Variants in ZMYND8 observed in about 807,000 individuals in gnomAD.
The protein encoded by ZMYND8 is MYND-type zinc finger-containing chromatin reader ZMYND8.
Under a neutral mutation model 140.8 loss-of-function variants are expected in ZMYND8, and 37 were observed. That is an observed-to-expected ratio of 0.26 (90% CI 0.20 to 0.35). ZMYND8 has a LOEUF of 0.35. Among genes scored for constraint, ZMYND8 ranks in the 10% least tolerant of loss-of-function variants. ZMYND8 has a pLI of 1.00. For synonymous variants in ZMYND8, 592 were observed against 597.1 expected (o/e 0.99, Z 0.12); for missense variants, 1,068 against 1,570.0 (o/e 0.68, Z 5.40).
intron 9 of ZMYND8, among the ~76,000 whole-genome samples, chr20:47,283,054 C>A (rs1223370852): frequency 6.6e-6 from 1 of 152,140 alleles, no homozygotes; most frequent in Non-Finnish European, 1.5e-5. Context: ...AACCCCACCC[C>A]CAACACACAC....
intron 11 of ZMYND8, among the ~76,000 whole-genome samples, chr20:47,267,636 G>A (rs1292732619): frequency 1.3e-5 from 2 of 152,120 alleles, no homozygotes; most frequent in African/African-American, 4.8e-5. Context: ...AGCAGCCAGG[G>A]CAGAACCCCT....
Position 47,220,248 on chromosome 20 carries a change from G to T in ZMYND8, c.3484+10C>A. ...TGAAAGCACCGTTCGCCCACCAGGG[G>T]GCAACATACCAGAGCCTTGGTTGGA... On this transcript the variant is annotated intron_variant, in intron 21 of 22. Coordinates refer to ENST00000471951, the MANE Select transcript of ZMYND8 (RefSeq NM_001281775.3). The T allele has an allele frequency of 6.4e-7, 1 of 1,557,854 alleles. No homozygotes were observed. The highest frequency in any genetic ancestry group is 1.4e-5 in the African/African-American group (1 of 73,462).
At chr20:47,280,846 C>A (rs183098603) in intron 10 of ZMYND8, among the ~76,000 whole-genome samples, 3 of 152,202 alleles carry the variant, frequency 2.0e-5, no homozygotes, top group Non-Finnish European at 4.4e-5. Context: ...CTGTTTAAAC[C>A]CCACTATTCT....
chr20:47,266,634 G>A (rs2075547888), intron 11 of ZMYND8, among the ~76,000 whole-genome samples: 1 of 152,002 alleles, frequency 6.6e-6, no homozygotes, highest in Non-Finnish European at 1.5e-5. Flanking sequence ...CAAATCTTCA[G>A]GAAGAACTCT....
chr20:47,319,497 T>TA (rs1569188733), intron 2 of ZMYND8: 1 of 188,634 alleles, frequency 5.3e-6, no homozygotes, highest in East Asian at 1.4e-4. Context: ...ACCCATCTTT[T>TA]ATACTTGAGG....
chr20:47,254,287 C>A (rs1198750194), intron 12 of ZMYND8, among the ~76,000 whole-genome samples: 1 of 152,192 alleles, frequency 6.6e-6, no homozygotes, highest in Non-Finnish European at 1.5e-5. Flanking sequence ...TAAATCAGAA[C>A]CACCTCTTTA....
At chr20:47,304,466 TAA>T (rs1240732067) in intron 3 of ZMYND8, among the ~76,000 whole-genome samples, 1 of 152,202 alleles carries the variant, frequency 6.6e-6, no homozygotes, top group Non-Finnish European at 1.5e-5. Context: ...TAAAACTCTA[TAA>T]ACACAGGCTT....
chr20:47,210,644 G>A lies in ZMYND8; in HGVS notation c.*117C>T. 3 of 1,572,208 alleles carry A rather than the reference G, an allele frequency of 1.9e-6. No homozygotes were observed. Among genetic ancestry groups the A allele is most frequent in the Non-Finnish European group, 2.6e-6 (3 of 1,144,716 alleles). On this transcript the variant is annotated 3_prime_UTR_variant, in exon 23 of 23. Coordinates refer to ENST00000471951, the MANE Select transcript of ZMYND8 (RefSeq NM_001281775.3). Reference sequence around the variant, plus strand: ...GCGCCGGGGGCTCAGGCTCAACTGAGGGTTTTGTCATTTTCAAGTCTGAAA... The same window carrying A: ...GCGCCGGGGGCTCAGGCTCAACTGAAGGTTTTGTCATTTTCAAGTCTGAAA...
At chr20:47,292,036 C>A in intron 5 of ZMYND8, 148 bp from the exon 6 acceptor site, 1 of 558,640 alleles carries the variant, frequency 1.8e-6, no homozygotes, top group Non-Finnish European at 3.0e-6. Flanking sequence ...GTGGGGAGCT[C>A]CAAATTGGTC....
At chr20:47,299,853 A>T (rs972418355) in intron 3 of ZMYND8, among the ~76,000 whole-genome samples, 1 of 152,168 alleles carries the variant, frequency 6.6e-6, no homozygotes, top group African/African-American at 2.4e-5. Context: ...AAGTGCTGGG[A>T]TTACAGGCGT....
At chr20:47,221,506 T>G (rs749929240) in intron 19 of ZMYND8, 32 bp from the exon 20 acceptor site, 17 of 1,608,416 alleles carry the variant, frequency 1.1e-5, no homozygotes, top group Admixed American at 3.4e-5. Flanking sequence ...AGACGCCACA[T>G]ATACACAGAG....
chr20:47,287,228 C>T lies in ZMYND8; in HGVS notation c.804+1G>A. The stretch of plus-strand genomic sequence containing the variant: ...AAAACAGGACAGTGGGAAACACATA[C>T]CTCATGTTCACAGATTTTGATGACT... On this transcript the variant is annotated splice_donor_variant, in intron 8 of 22. Transcript: ENST00000471951. LOFTEE classifies it high-confidence loss of function. The T allele has an allele frequency of 6.2e-7, 1 of 1,613,690 alleles. No homozygotes were observed.
At chr20:47,220,187 C>A in intron 21 of ZMYND8, 71 bp downstream of exon 21, 1 of 1,376,704 alleles carries the variant, frequency 7.3e-7, no homozygotes, top group South Asian at 1.2e-5. Context: ...CAAATTCTCC[C>A]TGACAAAATG....
intron 11 of ZMYND8, among the ~76,000 whole-genome samples, chr20:47,275,126 TAAA>T (rs2076180868): frequency 6.6e-6 from 1 of 152,210 alleles, no homozygotes; most frequent in Non-Finnish European, 1.5e-5. Context: ...CAAGACATCT[TAAA>T]CTGACATTTA....
chr20:47,271,255 T>C (rs188464408), intron 11 of ZMYND8, among the ~76,000 whole-genome samples: 1 of 152,278 alleles, frequency 6.6e-6, no homozygotes, highest in Non-Finnish European at 1.5e-5. Context: ...ATGGGTAACA[T>C]GGGTGTGTAA....
chr20:47,220,432 C>A, intron 20 of ZMYND8, 108 bp from the exon 21 acceptor site: 1 of 907,726 alleles, frequency 1.1e-6, no homozygotes. Flanking sequence ...CCCAAAGCAT[C>A]TCAGTGTCCT....
At chr20:47,313,415 G>T (rs113574048) in intron 2 of ZMYND8, among the ~76,000 whole-genome samples, 2,006 of 152,092 alleles carry the variant, frequency 0.013, 42 homozygotes, top group African/African-American at 0.045. Flanking sequence ...AAAGTCAGGA[G>T]ATCGAGACCA....
chr20:47,299,073 AAACT>A, intron 3 of ZMYND8, 126 bp from the exon 4 acceptor site: 2 of 845,916 alleles, frequency 2.4e-6, no homozygotes, highest in South Asian at 3.3e-5. Context: ...TTAAAAAGCC[AAACT>A]ATCTTAGGTT....
rs780207943 is a variant in ZMYND8 at position 47,262,473 on chromosome 20, A to G, written c.1481-45T>C. The G allele has an allele frequency of 6.2e-6, 10 of 1,611,788 alleles. No homozygotes were observed. The Admixed American group carries it at 1.7e-4, about 27-fold the overall frequency. ...TTAAAAGACAGGTTTACAAATAAAC[A>G]AGTAGAACGTGTAGGTGTGGTGTAG... On this transcript the variant is annotated intron_variant, in intron 11 of 22. Coordinates refer to ENST00000471951, the MANE Select transcript of ZMYND8 (RefSeq NM_001281775.3).
Sources: allele counts gnomAD v4.1 joint callset (sites outside exome capture counted in the v4.1 genomes callset), GRCh38; gene constraint gnomAD v4.1.1; transcripts MANE v1.5; gene names NCBI Gene and HGNC (gene_info 2026-07-23, HGNC 2026-07-21).